The following MYO18B variants were observed in gnomAD, a reference collection of about 807,000 sequenced individuals.
The protein encoded by MYO18B is unconventional myosin-XVIIIb.
Under a neutral mutation model 273.0 loss-of-function variants are expected in MYO18B, and 204 were observed. The ratio of observed to expected loss-of-function variants is 0.75; its 90% CI spans 0.67 to 0.84. The LOEUF (loss-of-function observed/expected upper bound fraction) is 0.84, where lower values mean the gene tolerates loss of function less well. Among genes scored for constraint, MYO18B ranks in the 40% least tolerant of loss-of-function variants. MYO18B has a pLI of 0.00. For missense variants in MYO18B, 3,212 were observed against 3,287.6 expected (o/e 0.98, Z 0.56); for synonymous variants, 1,330 against 1,305.7 (o/e 1.02, Z -0.40).
At chr22:25,928,027 A>G (rs1189536568) in intron 34 of MYO18B, among the ~76,000 whole-genome samples, 1 of 152,182 alleles carries the variant, frequency 6.6e-6, no homozygotes, top group Non-Finnish European at 1.5e-5. Context: ...TCTAGGAGGA[A>G]ACACCAGTGC....
intron 34 of MYO18B, among the ~76,000 whole-genome samples, chr22:25,936,588 G>T (rs2092581184): frequency 6.6e-6 from 1 of 152,126 alleles, no homozygotes; most frequent in African/African-American, 2.4e-5. Context: ...TCCTAGAAAT[G>T]TTACATGTTA....
intron 39 of MYO18B, among the ~76,000 whole-genome samples, chr22:25,970,477 C>T (rs2093025550): frequency 6.6e-6 from 1 of 152,160 alleles, no homozygotes. Context: ...ATTCTGCCTT[C>T]TCCAGCCTTG....
At chr22:25,917,494 T>C (rs781579460) in intron 33 of MYO18B, among the ~76,000 whole-genome samples, 1 of 151,972 alleles carries the variant, frequency 6.6e-6, no homozygotes, top group Non-Finnish European at 1.5e-5. Flanking sequence ...TGATTTATTT[T>C]AGTCAGTTTA....
At chr22:25,886,244 C>T (rs967880550) in intron 25 of MYO18B, among the ~76,000 whole-genome samples, 10 of 152,172 alleles carry the variant, frequency 6.6e-5, no homozygotes, top group East Asian at 1.9e-4. Context: ...TACTTAGTAG[C>T]GAGTGGTGAA....
intron 25 of MYO18B, among the ~76,000 whole-genome samples, chr22:25,888,145 G>T (rs187051547): frequency 1.3e-5 from 2 of 152,294 alleles, no homozygotes; most frequent in African/African-American, 4.8e-5. Context: ...AGTTTCTATG[G>T]CAGTAATTCC....
At chr22:26,008,886 C>T (rs1212518672) in intron 42 of MYO18B, among the ~76,000 whole-genome samples, 2 of 152,202 alleles carry the variant, frequency 1.3e-5, no homozygotes, top group Non-Finnish European at 2.9e-5. Flanking sequence ...ACCCTGACAA[C>T]ACATTGGGCT....
Position 25,743,144 on chromosome 22 carries a change from A to T in MYO18B, c.-110+851A>T, listed in dbSNP as rs1360528206. ...GCTCCAAGCTGTCCAGTCTGGCCTC[A>T]ACCCGCAAGTGTGGGGATCTGGGCT... On this transcript the variant is annotated intron_variant, in intron 1 of 43. Coordinates refer to ENST00000335473, the MANE Select transcript of MYO18B (RefSeq NM_032608.7). Among the ~76,000 whole-genome samples the T allele has an allele frequency of 2.0e-5, 3 of 152,360 alleles. No homozygotes were observed. In the East Asian group the frequency reaches 5.8e-4, roughly 29 times the overall value.
intron 34 of MYO18B, among the ~76,000 whole-genome samples, chr22:25,944,086 A>G (rs112861188): frequency 2.0e-5 from 3 of 152,012 alleles, no homozygotes; most frequent in African/African-American, 4.8e-5. Context: ...TGACTTCTCA[A>G]AAGAGGGGCT....
chr22:25,775,739 G>A (rs1169870524), intron 7 of MYO18B, among the ~76,000 whole-genome samples: 2 of 151,970 alleles, frequency 1.3e-5, no homozygotes, highest in Non-Finnish European at 2.9e-5. Context: ...TCCCTGTCAG[G>A]ATGCTCTGTT....
chr22:25,889,911 G>T (rs1005030549), intron 25 of MYO18B, among the ~76,000 whole-genome samples: 1 of 152,018 alleles, frequency 6.6e-6, no homozygotes, highest in African/African-American at 2.4e-5. Flanking sequence ...CTTAAACCAC[G>T]CTCCTAATAT....
chr22:25,792,231 C>T (rs1323397530), intron 11 of MYO18B, among the ~76,000 whole-genome samples: 1 of 152,194 alleles, frequency 6.6e-6, no homozygotes, highest in Admixed American at 6.5e-5. Flanking sequence ...TCTCCATTGC[C>T]TCCTCTGTTG....
rs918894601 is a variant in MYO18B at position 25,761,007 on chromosome 22, C to T, written c.-86C>T. The T allele has an allele frequency of 5.7e-5, 80 of 1,406,230 alleles. No individual in the cohort carries two copies. The highest frequency in any genetic ancestry group is 7.2e-5 in the Non-Finnish European group (72 of 995,976). The allele number at this position is 1,406,230 out of a possible 1,614,324, so 87.1% of individuals were successfully genotyped here. A position where few individuals can be genotyped will look rare whatever the true frequency, so the allele number is the denominator to read the frequency against. ...AGTTCTGTGTCCATCTCATGTGCTG[C>T]GTGTGTCTGTAAAGCCTCATTCCGT... is the stretch of plus-strand genomic sequence containing the variant. On this transcript the variant is annotated 5_prime_UTR_variant, in exon 2 of 44. Transcript: ENST00000335473.
chr22:25,822,701 G>A lies in MYO18B; in HGVS notation c.2522-804G>A, dbSNP rs187202946. Among the ~76,000 whole-genome samples the A allele has an allele frequency of 2.8e-3, 420 of 152,356 alleles. 1 individual carries two copies. The highest frequency in any genetic ancestry group is 6.8e-3 in the Middle Eastern group (2 of 294). On this transcript the variant is annotated intron_variant, in intron 12 of 43. Coordinates refer to ENST00000335473, the MANE Select transcript of MYO18B (RefSeq NM_032608.7). ...GAGGTTTATTTGGCCGGGAGTGCCG[G>A]CAGACTTGCGTCTTAAGAGCCGAAC...
chr22:25,787,309 C>CAG (rs796703505), intron 11 of MYO18B, among the ~76,000 whole-genome samples: 3,054 of 144,736 alleles, frequency 0.021, 49 homozygotes, highest in Middle Eastern at 0.076. Flanking sequence ...CACACACACA[C>CAG]AGTCTGTCTT....
intron 21 of MYO18B, among the ~76,000 whole-genome samples, chr22:25,855,825 CTTT>C (rs59922626): frequency 7.1e-6 from 1 of 141,790 alleles, no homozygotes; most frequent in African/African-American, 2.6e-5. Context: ...TACTTTCTTT[CTTT>C]TTTTTTTTTT....
chr22:25,920,623 G>A (rs972773481), intron 33 of MYO18B, among the ~76,000 whole-genome samples: 2 of 152,178 alleles, frequency 1.3e-5, no homozygotes, highest in Admixed American at 1.3e-4. Context: ...TCCTCCAACT[G>A]GAAAAGAGGA....
At chr22:25,956,366 C>T (rs1364395037) in intron 39 of MYO18B, among the ~76,000 whole-genome samples, 3 of 152,054 alleles carry the variant, frequency 2.0e-5, no homozygotes, top group African/African-American at 4.8e-5. Flanking sequence ...CGGGCATGAG[C>T]CACCATGTCC....
chr22:25,843,644 T>G, intron 17 of MYO18B, 91 bp from the exon 18 acceptor site: 1 of 1,351,128 alleles, frequency 7.4e-7, no homozygotes, highest in Non-Finnish European at 1.0e-6. Context: ...GGAAACACGT[T>G]AAGATGGATA....
the MYO18B span, among the ~76,000 whole-genome samples, chr22:26,041,654 C>G: frequency 6.6e-6 from 1 of 152,130 alleles, no homozygotes. Context: ...TTGCTGGATA[C>G]AAAATAGGCT....
Sources: allele counts gnomAD v4.1 joint callset (sites outside exome capture counted in the v4.1 genomes callset), GRCh38; gene constraint gnomAD v4.1.1; transcripts MANE v1.5; gene names NCBI Gene and HGNC (gene_info 2026-07-23, HGNC 2026-07-21).